The following UNC79 variants were observed in gnomAD, a reference collection of about 807,000 sequenced individuals.
UNC79 encodes protein unc-79 homolog.
A neutral mutation model predicts 283.1 loss-of-function variants in UNC79; 37 were observed. The observed-to-expected ratio is 0.13, with a 90% CI of 0.10 to 0.17. The LOEUF (loss-of-function observed/expected upper bound fraction) is 0.17. Ranked by LOEUF, UNC79 falls within the 10% of genes least tolerant of loss-of-function variation. The probability of loss-of-function intolerance (pLI) is 1.00; values close to 1 mark genes in which losing one functional copy is unlikely to be tolerated. For missense variants in UNC79, 2,272 were observed against 3,211.1 expected, an observed-to-expected ratio of 0.71 and a Z score of 7.07; for synonymous variants, 1,107 against 1,200.2, an observed-to-expected ratio of 0.92 and a Z score of 1.61.
chr14:93,481,803 A>G (rs1346942825), intron 4 of UNC79, among the ~76,000 whole-genome samples: 1 of 152,254 alleles, frequency 6.6e-6, no homozygotes, highest in East Asian at 1.9e-4. Context: ...TCTTTAATAT[A>G]TGCAGTCTGT....
chr14:93,593,814 A>G (rs1487269942), exon 23 of UNC79: 1 of 1,613,814 alleles, frequency 6.2e-7, no homozygotes, highest in Admixed American at 1.7e-5. Context: ...AACAGCAAAG[A>G]CTGGAAGATG....
chr14:93,638,371 G>C (rs1053515689), intron 32 of UNC79, among the ~76,000 whole-genome samples: 1 of 152,160 alleles, frequency 6.6e-6, no homozygotes, highest in Non-Finnish European at 1.5e-5. Context: ...GTAGAAGTAA[G>C]GGTGGTTGAA....
intron 1 of UNC79, among the ~76,000 whole-genome samples, chr14:93,334,258 C>G (rs1329285842): frequency 6.6e-6 from 1 of 152,234 alleles, no homozygotes; most frequent in South Asian, 2.1e-4. Flanking sequence ...TTCTTCATCA[C>G]CTTACTTCCT....
intron 5 of UNC79, among the ~76,000 whole-genome samples, chr14:93,490,442 A>T (rs562212616): frequency 6.6e-6 from 1 of 152,306 alleles, no homozygotes; most frequent in East Asian, 1.9e-4. Flanking sequence ...CAGTATAAGC[A>T]GTCAGAAGAA....
chr14:93,686,489 A>G lies in UNC79; in HGVS notation c.6820-83A>G. 5 of 1,451,728 alleles carry G rather than the reference A, an allele frequency of 3.4e-6. No homozygotes were observed. In the South Asian group the frequency reaches 5.9e-5, roughly 17 times the overall value. The allele number at this position is 1,451,728 out of a possible 1,614,324, so 89.9% of individuals were successfully genotyped here. ...CCAGAAAGTAAAACGACTCCTTAGT[A>G]AACAACGTGAAACCAGAGTGAGGCA... On this transcript the variant is annotated intron_variant, in intron 42 of 48. Coordinates refer to ENST00000555664, the Ensembl canonical transcript of UNC79.
chr14:93,487,552 A>T, intron 4 of UNC79, 111 bp from the exon 5 acceptor site: 1 of 741,838 alleles, frequency 1.3e-6, no homozygotes, highest in Non-Finnish European at 2.0e-6. Flanking sequence ...CATTAGCTTT[A>T]TTGGAGCTAT....
At chr14:93,405,908 C>T (rs180948792) in intron 1 of UNC79, among the ~76,000 whole-genome samples, 8 of 152,290 alleles carry the variant, frequency 5.3e-5, no homozygotes, top group African/African-American at 1.4e-4. Context: ...AAGATACCAG[C>T]GGAGTTTCAT....
intron 1 of UNC79, among the ~76,000 whole-genome samples, chr14:93,387,996 T>G (rs2054812940): frequency 6.6e-6 from 1 of 152,252 alleles, no homozygotes; most frequent in Admixed American, 6.5e-5. Context: ...CTTCTTTGTC[T>G]CTTCTGATAG....
intron 14 of UNC79, 68 bp downstream of exon 14, chr14:93,542,764 A>G: frequency 1.3e-6 from 2 of 1,506,798 alleles, no homozygotes; most frequent in Non-Finnish European, 1.8e-6. Flanking sequence ...TGCCTTAGCC[A>G]TGTGGGTATT....
chr14:93,542,894 G>A (rs1254396687), intron 14 of UNC79, among the ~76,000 whole-genome samples, 198 bp downstream of exon 14: 2 of 151,938 alleles, frequency 1.3e-5, no homozygotes, highest in Non-Finnish European at 2.9e-5. Flanking sequence ...AGGAAGAATG[G>A]CAAGATGCAT....
intron 1 of UNC79, among the ~76,000 whole-genome samples, chr14:93,339,696 GA>G (rs1175423699): frequency 6.6e-6 from 1 of 152,232 alleles, no homozygotes; most frequent in African/African-American, 2.4e-5. Flanking sequence ...ACTTTTCCTT[GA>G]AAGATGTTGA....
intron 14 of UNC79, among the ~76,000 whole-genome samples, chr14:93,554,863 A>G (rs2062081186): frequency 6.6e-6 from 1 of 152,174 alleles, no homozygotes; most frequent in African/African-American, 2.4e-5. Flanking sequence ...TTTTCTTAAA[A>G]ACACCTAATT....
intron 30 of UNC79, among the ~76,000 whole-genome samples, chr14:93,625,961 A>C (rs941266170): frequency 2.0e-5 from 3 of 152,246 alleles, no homozygotes; most frequent in African/African-American, 7.2e-5. Flanking sequence ...ATTGGTCAGC[A>C]ACAGCACATG....
exon 1 of UNC79, chr14:93,333,414 G>T (rs1595354747): frequency 2.5e-6 from 1 of 398,604 alleles, no homozygotes; most frequent in East Asian, 3.6e-5. Flanking sequence ...CCCTCGGGTG[G>T]TCGCATGCAA....
At chr14:93,355,468 A>G (rs933663197) in intron 1 of UNC79, among the ~76,000 whole-genome samples, 1 of 152,148 alleles carries the variant, frequency 6.6e-6, no homozygotes, top group African/African-American at 2.4e-5. Context: ...AACTGCTGGG[A>G]TTACAGGCGT....
In UNC79 at chr14:93,376,461, C is replaced by T. The variant is rs2054560903; in HGVS notation, c.-351+42938C>T. Among the ~76,000 whole-genome samples, 4 of 152,098 alleles carry T rather than the reference C, an allele frequency of 2.6e-5. No homozygotes were observed. In the South Asian group the frequency reaches 8.3e-4, roughly 32 times the overall value. On this transcript the variant is annotated intron_variant, in intron 1 of 49. Coordinates refer to the UNC79 transcript ENST00000256339. Reference sequence around the variant, plus strand: ...AAGAAAAAAAAATCACAGGGGCAAACCGTATATTTATATGTATCTATATCC... The same window carrying T: ...AAGAAAAAAAAATCACAGGGGCAAATCGTATATTTATATGTATCTATATCC...
intron 1 of UNC79, 34 bp from the exon 2 acceptor site, chr14:93,467,637 T>TCTTCC: frequency 1.4e-6 from 1 of 703,224 alleles, no homozygotes; most frequent in East Asian, 9.3e-5. Context: ...CCTTTTTTTT[T>TCTTCC]TTTTTTTTTT....
At chr14:93,618,335 A>G (rs1025060166) in exon 29 of UNC79, 6 of 1,612,412 alleles carry the variant, frequency 3.7e-6, no homozygotes, top group Non-Finnish European at 5.1e-6. Context: ...ACATAAGCAG[A>G]TACAGCGAAA....
chr14:93,681,623 C>T (rs2073852607), intron 41 of UNC79, among the ~76,000 whole-genome samples: 1 of 152,132 alleles, frequency 6.6e-6, no homozygotes, highest in Non-Finnish European at 1.5e-5. Context: ...AATGAGAAGG[C>T]GGAGCGACTG....
Sources: gnomAD v4.1 joint callset for allele counts (sites outside exome capture counted in the v4.1 genomes callset) on GRCh38, gnomAD v4.1.1 for gene constraint, MANE v1.5 for transcripts, NCBI Gene and HGNC (gene_info 2026-07-23, HGNC 2026-07-21) for gene names.